The following SEL1L variants were observed in gnomAD, a reference collection of about 807,000 sequenced individuals.
SEL1L encodes SEL1L adaptor subunit of SYVN1 ubiquitin ligase, also known as protein sel-1 homolog 1.
In SEL1L, 52 loss-of-function variants were observed where a neutral mutation model predicts 109.8. The observed-to-expected ratio is 0.47, with a 90% CI of 0.38 to 0.60. The LOEUF (loss-of-function observed/expected upper bound fraction) is 0.60, where lower values mean the gene tolerates loss of function less well. Among genes scored for constraint, SEL1L ranks in the 20% least tolerant of loss-of-function variants. SEL1L has a pLI of 0.00. For missense variants in SEL1L, 749 were observed against 962.2 expected (o/e 0.78, Z 2.93); for synonymous variants, 373 against 339.6 (o/e 1.10, Z -1.08).
rs1459433575 is a variant in SEL1L at position 81,485,710 on chromosome 14, G to T, written c.1835C>A (p.Pro612His). Residue 612 changes from proline to histidine, a missense_variant, in exon 18 of 21, where the codon CCC (proline) becomes CAC (histidine). Physicochemically the swap from Pro to His is moderately conservative, Grantham distance 77. Coordinates refer to ENST00000336735, the MANE Select transcript of SEL1L (RefSeq NM_005065.6). ...CCTGTTCCAATGTAGCAAAGCTCTG[G>T]GATAAGTTTCATTCTCACCTACAAT... ...ASIVGENETYPRALLHWNRAA... is the reference protein window; with the variant it reads ...ASIVGENETYHRALLHWNRAA... The T allele has an allele frequency of 1.2e-6, 2 of 1,613,832 alleles. No individual in the cohort carries two copies. Among genetic ancestry groups the T allele is most frequent in the East Asian group, 4.5e-5 (2 of 44,888 alleles).
intron 17 of SEL1L, among the ~76,000 whole-genome samples, 158 bp from the exon 18 acceptor site, chr14:81,485,904 T>C (rs972886283): frequency 2.0e-5 from 3 of 152,218 alleles, no homozygotes; most frequent in South Asian, 2.1e-4. Context: ...TGAACTAAAA[T>C]AGTGAGTTCA....
intron 3 of SEL1L, among the ~76,000 whole-genome samples, chr14:81,506,660 C>A (rs111992918): frequency 2.0e-5 from 3 of 152,140 alleles, no homozygotes; most frequent in African/African-American, 4.8e-5. Flanking sequence ...AATGCTCCCC[C>A]CAAGGCAAAG....
chr14:81,486,528 T>A, intron 16 of SEL1L, 74 bp from the exon 17 acceptor site: 1 of 1,471,366 alleles, frequency 6.8e-7, no homozygotes, highest in African/African-American at 1.4e-5. Context: ...CTTATGCACT[T>A]TGGTTACACA....
intron 3 of SEL1L, among the ~76,000 whole-genome samples, chr14:81,525,224 G>C (rs1360939306): frequency 6.6e-6 from 1 of 152,008 alleles, no homozygotes. Context: ...GGTAAGGGGT[G>C]TCATTTTACC....
intron 14 of SEL1L, 157 bp downstream of exon 14, chr14:81,489,095 G>A (rs963735379): frequency 1.4e-6 from 1 of 694,108 alleles, no homozygotes; most frequent in Admixed American, 2.5e-5. Context: ...GTCGGGTATG[G>A]GGTGGTAGTG....
At chr14:81,510,504 C>CTATATA (rs1201145909) in intron 3 of SEL1L, among the ~76,000 whole-genome samples, 3 of 124,496 alleles carry the variant, frequency 2.4e-5, no homozygotes, top group Non-Finnish European at 3.4e-5. Context: ...CTCTCTCTCT[C>CTATATA]TCTCTCTCTC....
In SEL1L at chr14:81,499,621, T is replaced by C. The variant is rs1297103082; in HGVS notation, c.819A>G (p.Ser273=). Reference sequence around the variant, plus strand: ...TTAATAGTATTACCTTTGCCTGACTTGAATTAACACCAAGTCCAGAGGCAT... The same window carrying C: ...TTAATAGTATTACCTTTGCCTGACTCGAATTAACACCAAGTCCAGAGGCAT... The part of the protein sequence containing the change: ...FLYASGLGVN[S]SQAKALVYYT... The change falls in exon 7 of 21, where the codon TCA becomes TCG. Residue 273 remains serine, a synonymous_variant. Coordinates refer to ENST00000336735, the MANE Select transcript of SEL1L (RefSeq NM_005065.6). 7 of 1,610,722 alleles carry C rather than the reference T, an allele frequency of 4.3e-6. No homozygotes were observed. The South Asian group carries it at 7.8e-5, about 18-fold the overall frequency.
intron 3 of SEL1L, among the ~76,000 whole-genome samples, chr14:81,518,886 G>A (rs1288595222): frequency 6.6e-6 from 1 of 152,070 alleles, no homozygotes; most frequent in Non-Finnish European, 1.5e-5. Flanking sequence ...CAATGACCTA[G>A]GGAGTAGACT....
intron 14 of SEL1L, 68 bp downstream of exon 14, chr14:81,489,182 ATT>A (rs1282505656): frequency 1.5e-5 from 21 of 1,376,388 alleles, no homozygotes; most frequent in Admixed American, 3.4e-5. Flanking sequence ...CTGGAAGCTA[ATT>A]AAGGAACATG....
rs1903020113 is a variant in SEL1L at position 81,471,742 on chromosome 14, A to G, written c.*5230T>C. On this transcript the variant is annotated 3_prime_UTR_variant, in exon 21 of 21. Transcript: ENST00000336735. ...GGCCTCTAGGGAAAATCAGAGTTCT[A>G]CTCAAAATATAATACTACCAATAAA... 6.6e-6 allele frequency: 1 copy of G among 152,216 alleles called. No homozygotes were observed. Among genetic ancestry groups the G allele is most frequent in the South Asian group, 2.1e-4 (1 of 4,832 alleles). The allele number at this position is 152,216 out of a possible 1,614,324, so 9.4% of individuals were successfully genotyped here. A position where few individuals can be genotyped will look rare whatever the true frequency, so the allele number is the denominator to read the frequency against.
intron 3 of SEL1L, among the ~76,000 whole-genome samples, chr14:81,523,567 T>C (rs1885005331): frequency 6.6e-6 from 1 of 152,180 alleles, no homozygotes; most frequent in Admixed American, 6.5e-5. Flanking sequence ...GAGTCCTAAG[T>C]GCTAGCAAAT....
intron 10 of SEL1L, among the ~76,000 whole-genome samples, chr14:81,495,477 A>G (rs1312621435): frequency 6.6e-6 from 1 of 152,128 alleles, no homozygotes; most frequent in African/African-American, 2.4e-5. Context: ...CTCCACAAAA[A>G]AATAGAAAAA....
At chr14:81,488,015 A>G (rs1903572230) in intron 14 of SEL1L, 73 bp from the exon 15 acceptor site, 1 of 1,182,272 alleles carries the variant, frequency 8.5e-7, no homozygotes, top group African/African-American at 1.5e-5. Context: ...GATTTATTTA[A>G]AAAAATGAAC....
At chr14:81,479,314 G>A (rs1036671183) in intron 20 of SEL1L, 1 of 191,694 alleles carries the variant, frequency 5.2e-6, no homozygotes, top group Non-Finnish European at 1.1e-5. Context: ...ATTAAATACT[G>A]TTTCAAACTG....
At chr14:81,512,776 T>C (rs750281231) in intron 3 of SEL1L, among the ~76,000 whole-genome samples, 2 of 152,248 alleles carry the variant, frequency 1.3e-5, no homozygotes, top group Non-Finnish European at 2.9e-5. Flanking sequence ...TATTCTATAA[T>C]AGGGAATACC....
intron 6 of SEL1L, among the ~76,000 whole-genome samples, chr14:81,502,017 TGTAAG>T (rs1473364828): frequency 2.0e-5 from 3 of 150,760 alleles, no homozygotes; most frequent in African/African-American, 4.9e-5. Context: ...AACAACCAAA[TGTAAG>T]GTAGAGTCCT....
In SEL1L at chr14:81,473,652, A is replaced by C. The variant is rs1903070017; in HGVS notation, c.*3320T>G. ...ATAGCCCTGCTTGTCTTGGCAGGTA[A>C]AGGGGCTGTTTTCATGACACATCTT... On this transcript the variant is annotated 3_prime_UTR_variant, in exon 21 of 21. Coordinates refer to ENST00000336735, the MANE Select transcript of SEL1L (RefSeq NM_005065.6). 1 of 152,178 alleles carries C rather than the reference A, an allele frequency of 6.6e-6. No individual in the cohort carries two copies. The highest frequency in any genetic ancestry group is 2.4e-5 in the African/African-American group (1 of 41,456). 9.4% of individuals were successfully genotyped at this position (152,178 alleles called of 1,614,324 possible). A position where few individuals can be genotyped will look rare whatever the true frequency, so the allele number is the denominator to read the frequency against.
intron 20 of SEL1L, 63 bp from the exon 21 acceptor site, chr14:81,477,244 G>C: frequency 7.6e-7 from 1 of 1,321,082 alleles, no homozygotes; most frequent in Non-Finnish European, 1.1e-6. Flanking sequence ...AACTGGGAAA[G>C]TTACATCACC....
chr14:81,489,150 G>C, intron 14 of SEL1L, 102 bp downstream of exon 14: 1 of 996,234 alleles, frequency 1.0e-6, no homozygotes, highest in East Asian at 2.4e-5. Context: ...TGCTTACAAT[G>C]GAACAGCCCC....
Sources: gnomAD v4.1 joint callset for allele counts (sites outside exome capture counted in the v4.1 genomes callset) on GRCh38, gnomAD v4.1.1 for gene constraint, MANE v1.5 for transcripts, NCBI Gene and HGNC (gene_info 2026-07-23, HGNC 2026-07-21) for gene names.